MDN1: variants seen among roughly 807,000 people sequenced by gnomAD.
The protein encoded by MDN1 is midasin.
MDN1 carries 266 observed loss-of-function variants against 669.2 expected under a neutral mutation model. The ratio of observed to expected loss-of-function variants is 0.40; its 90% CI spans 0.36 to 0.44. MDN1 has a LOEUF of 0.44. Ranked by LOEUF, MDN1 falls within the 20% of genes least tolerant of loss-of-function variation. The pLI is 1.00. For missense variants in MDN1, 5,940 were observed against 6,754.0 expected (o/e 0.88, Z 4.22); for synonymous variants, 2,385 against 2,457.1 (o/e 0.97, Z 0.87).
intron 15 of MDN1, among the ~76,000 whole-genome samples, chr6:89,765,503 A>G (rs2128321581): frequency 6.6e-6 from 1 of 152,336 alleles, no homozygotes; most frequent in African/African-American, 2.4e-5. Context: ...TTCTAAAGAT[A>G]AAGTCTCACT....
At chr6:89,673,098 C>T (rs938705731) in intron 80 of MDN1, 138 bp downstream of exon 80, 14 of 724,800 alleles carry the variant, frequency 1.9e-5, no homozygotes, top group Middle Eastern at 3.8e-4. Context: ...GGATTTCAAC[C>T]GCACCTCCCT....
chr6:89,708,416 T>A, intron 51 of MDN1, 80 bp downstream of exon 51: 1 of 1,534,182 alleles, frequency 6.5e-7, no homozygotes, highest in African/African-American at 1.4e-5. Flanking sequence ...ACACATAAGC[T>A]ATTTGACAGA....
At position 89,655,863 on chromosome 6, in the gene MDN1, C is replaced by T. The variant is rs559410152; in HGVS notation, c.15391G>A (p.Glu5131Lys). 18 of 1,614,090 alleles carry T rather than the reference C, an allele frequency of 1.1e-5. No homozygotes were observed. The highest frequency in any genetic ancestry group is 4.4e-5 in the South Asian group (4 of 91,064). ...TGGGGCTGCTGAGCTGGCCCCTGCT[C>T]GGCATGGCTGTCCGTATCCACAGTC... ...LRTVDTDSHA[E>K]QGPAQQPQAQ... The change falls in exon 92 of 102, where the codon GAG becomes AAG. Residue 5131 changes from glutamate (E) to lysine (K), a missense_variant. Glu to Lys is a moderately conservative substitution (Grantham distance 56). This residue lies in a region of MDN1 where 2,280 missense variants were observed against 2,576.3 expected (regional missense o/e 0.88). Transcript: ENST00000369393.
Position 89,686,904 on chromosome 6 carries a change from T to G in MDN1, c.11570A>C (p.Glu3857Ala), listed in dbSNP as rs1310717198. The change falls in exon 69 of 102, where the codon GAA becomes GCA. Residue 3857 changes from glutamate to alanine, a missense_variant and splice_region_variant. Coordinates refer to ENST00000369393, the MANE Select transcript of MDN1 (RefSeq NM_014611.3). ...GGAAATGTACTGCTAGGCATTACCT[T>G]CCTGTTCTTCTGTTTGTTCCTGCAT... ...KHMQEQTEEQ[E>A]DDKQMTLMLL... The G allele has an allele frequency of 1.2e-6, 2 of 1,613,676 alleles. No homozygotes were observed. The highest frequency in any genetic ancestry group is 2.7e-5 in the African/African-American group (2 of 74,834).
At chr6:89,730,415 T>C (rs1815513409) in intron 35 of MDN1, among the ~76,000 whole-genome samples, 1 of 152,222 alleles carries the variant, frequency 6.6e-6, no homozygotes, top group Non-Finnish European at 1.5e-5. Flanking sequence ...ACTTAAAAGT[T>C]TATTGTCAAC....
intron 71 of MDN1, among the ~76,000 whole-genome samples, chr6:89,684,264 A>T (rs995684145): frequency 6.6e-6 from 1 of 151,806 alleles, no homozygotes; most frequent in Middle Eastern, 3.2e-3. Context: ...AATTGCTTGA[A>T]CCCGGGAGGC....
At chr6:89,653,452 A>G (rs1809026219) in intron 93 of MDN1, among the ~76,000 whole-genome samples, 1 of 152,252 alleles carries the variant, frequency 6.6e-6, no homozygotes, top group East Asian at 1.9e-4. Context: ...TCTTGAAACT[A>G]TATGCATGTA....
At chr6:89,753,643 T>A in intron 21 of MDN1, 21 bp from the exon 22 acceptor site, 1 of 1,548,824 alleles carries the variant, frequency 6.5e-7, no homozygotes. Context: ...AAGACAAATA[T>A]GCATAATGCT....
At chr6:89,698,376 T>A (rs1379601739) in intron 59 of MDN1, among the ~76,000 whole-genome samples, 1 of 152,168 alleles carries the variant, frequency 6.6e-6, no homozygotes, top group Non-Finnish European at 1.5e-5. Context: ...CAACACTTTA[T>A]CGGTAAGAAA....
In MDN1 at chr6:89,758,287, G is replaced by T; in HGVS notation, c.2670C>A (p.Gly890=). 1 of 1,612,014 alleles carries T rather than the reference G, an allele frequency of 6.2e-7. No homozygotes were observed. The highest frequency in any genetic ancestry group is 8.5e-7 in the Non-Finnish European group (1 of 1,178,952). ...TTATTCCTGGTGGGAGATTTCTTTT[G>T]CCTACATCAGTTGCTGGATTCATAC... ...FACMNPATDV[G]KRNLPPGIRN... The change falls in exon 19 of 102, where the codon GGC becomes GGA. Residue 890 remains glycine (G), a synonymous_variant. Coordinates refer to ENST00000369393, the MANE Select transcript of MDN1 (RefSeq NM_014611.3).
Position 89,712,245 on chromosome 6 carries a change from A to G in MDN1, c.7442T>C (p.Phe2481Ser), listed in dbSNP as rs1336748966. Residue 2481 changes from phenylalanine to serine, a missense_variant, in exon 49 of 102, where the codon TTT becomes TCT. This residue lies in a region of MDN1 where 2,292 missense variants were observed against 2,638.3 expected (regional missense o/e 0.87). Coordinates refer to ENST00000369393, the MANE Select transcript of MDN1 (RefSeq NM_014611.3). The stretch of plus-strand genomic sequence containing the variant: ...AATTTTCTCTAAGTCTTGCAAGGTA[A>G]AAGGCTGACTCCTGAAATTCATTTG... ...KTSSWTRSQPFTLQDLEKIMQ... is the reference protein window; with the variant it reads ...KTSSWTRSQPSTLQDLEKIMQ... 6.2e-7 allele frequency: 1 copy of G among 1,613,612 alleles called. No individual in the cohort carries two copies. Among genetic ancestry groups the G allele is most frequent in the Admixed American group, 1.7e-5 (1 of 59,978 alleles).
chr6:89,804,816 G>A (rs1003656262), intron 1 of MDN1, among the ~76,000 whole-genome samples: 3 of 151,988 alleles, frequency 2.0e-5, no homozygotes, highest in African/African-American at 2.4e-5. Flanking sequence ...CGGATCACGA[G>A]GTCAGGAGAT....
In MDN1 at chr6:89,648,566, G is replaced by A. The variant is rs563184078; in HGVS notation, c.16207-237C>T. ...ATAGGAATGGTCTGCTGTAGACATC[G>A]AATAAAAAGTGACCTTGAGGGCCAG... On this transcript the variant is annotated intron_variant, in intron 97 of 101. Transcript: ENST00000369393. Among the ~76,000 whole-genome samples, 87 of 152,136 alleles carry A rather than the reference G, an allele frequency of 5.7e-4. 1 individual carries two copies. The highest frequency in any genetic ancestry group is 2.1e-3 in the African/African-American group (86 of 41,520).
At position 89,749,141 on chromosome 6, in the gene MDN1, A is replaced by T. The variant is rs1816824279; in HGVS notation, c.3762+82T>A. The stretch of plus-strand genomic sequence containing the variant: ...TCTACTTGGAAAAATACATCAACAG[A>T]CAGATTCTTTTTTCTAACAAAAGAA... On this transcript the variant is annotated intron_variant, in intron 26 of 101. Coordinates refer to ENST00000369393, the MANE Select transcript of MDN1 (RefSeq NM_014611.3). 2.3e-6 allele frequency: 3 copies of T among 1,319,910 alleles called. No individual in the cohort carries two copies. The Admixed American group carries it at 7.2e-5, about 32-fold the overall frequency. 81.8% of individuals were successfully genotyped at this position (1,319,910 alleles called of 1,614,324 possible).
chr6:89,694,240 G>A, intron 61 of MDN1, 57 bp from the exon 62 acceptor site: 1 of 1,427,950 alleles, frequency 7.0e-7, no homozygotes, highest in Non-Finnish European at 9.9e-7. Flanking sequence ...ATGCACATGA[G>A]GACAATGTCC....
intron 9 of MDN1, among the ~76,000 whole-genome samples, chr6:89,783,077 G>T (rs1302522898): frequency 6.6e-6 from 1 of 152,012 alleles, no homozygotes; most frequent in Non-Finnish European, 1.5e-5. Context: ...CCTTGAAAAA[G>T]AACAGAATAA....
chr6:89,742,469 C>G (rs751003972), intron 31 of MDN1, among the ~76,000 whole-genome samples: 1 of 152,150 alleles, frequency 6.6e-6, no homozygotes, highest in Non-Finnish European at 1.5e-5. Context: ...GAGTAATAAA[C>G]TCCTGTCCTT....
chr6:89,693,364 G>C (rs553330430), intron 62 of MDN1, among the ~76,000 whole-genome samples: 2 of 152,324 alleles, frequency 1.3e-5, no homozygotes, highest in South Asian at 4.1e-4. Context: ...CTGGTGCTCA[G>C]ATGCATATCT....
At chr6:89,728,615 G>GA (rs1248270559) in intron 36 of MDN1, among the ~76,000 whole-genome samples, 4 of 152,156 alleles carry the variant, frequency 2.6e-5, no homozygotes, top group Non-Finnish European at 5.9e-5. Flanking sequence ...TGGATCACTT[G>GA]ACATAAGGAG....
Sources: gnomAD v4.1 joint callset for allele counts (sites outside exome capture counted in the v4.1 genomes callset) on GRCh38, gnomAD v4.1.1 for gene constraint, gnomAD v4.1.1 regional missense constraint, MANE v1.5 for transcripts, NCBI Gene and HGNC (gene_info 2026-07-23, HGNC 2026-07-21) for gene names.